Variants in UBE2U observed in about 807,000 individuals in gnomAD.
UBE2U encodes the protein ubiquitin-conjugating enzyme E2 U.
In UBE2U, 39 loss-of-function variants were observed where a neutral mutation model predicts 41.2. The observed-to-expected ratio is 0.95, with a 90% confidence interval of 0.73 to 1.24. UBE2U has a LOEUF of 1.24. UBE2U is among the 50% of genes most tolerant of loss of function. The pLI, the probability that UBE2U is intolerant of heterozygous loss-of-function variation, is 0.00. For missense variants in UBE2U, 336 were observed against 363.1 expected (o/e 0.93, Z 0.61); for synonymous variants, 107 against 117.8 (o/e 0.91, Z 0.60).
At chr1:64,230,057 T>C (rs928322090) in intron 6 of UBE2U, among the ~76,000 whole-genome samples, 1 of 152,222 alleles carries the variant, frequency 6.6e-6, no homozygotes, top group Admixed American at 6.5e-5. Flanking sequence ...AGAAGAATAT[T>C]TGACTGTAAT....
In UBE2U at chr1:64,223,502, G is replaced by A. The variant is rs2100340291; in HGVS notation, c.506+2595G>A. Among the ~76,000 whole-genome samples, 3 of 152,250 alleles carry A rather than the reference G, an allele frequency of 2.0e-5. No homozygotes were observed. In the South Asian group the frequency reaches 6.2e-4, roughly 32 times the overall value. ...TATTTAGCAGAAACTTTCCCCTGTG[G>A]TTTTTATTTTTTCTAGGCTTCCTTC... On this transcript the variant is annotated intron_variant, in intron 6 of 9. Coordinates refer to ENST00000371077, the MANE Select transcript of UBE2U (RefSeq NM_001366232.2).
intron 2 of UBE2U, 100 bp downstream of exon 2, chr1:64,205,820 C>G (rs1651260283): frequency 3.4e-6 from 3 of 875,740 alleles, no homozygotes; most frequent in Non-Finnish European, 5.0e-6. Context: ...ATATAAATTT[C>G]CTGAAATTCT....
chr1:64,217,534 C>A (rs1652111195), intron 5 of UBE2U, among the ~76,000 whole-genome samples: 1 of 151,970 alleles, frequency 6.6e-6, no homozygotes, highest in Non-Finnish European at 1.5e-5. Context: ...TAATATTTAT[C>A]TTCTGTTTGT....
chr1:64,259,356 G>A (rs775585630), intron 8 of UBE2U, among the ~76,000 whole-genome samples: 4 of 152,092 alleles, frequency 2.6e-5, no homozygotes, highest in Non-Finnish European at 4.4e-5. Context: ...TTTGGCTTTT[G>A]TTGCCGTTGC....
At chr1:64,225,438 G>A (rs1464729749) in intron 6 of UBE2U, among the ~76,000 whole-genome samples, 2 of 152,204 alleles carry the variant, frequency 1.3e-5, no homozygotes, top group African/African-American at 2.4e-5. Flanking sequence ...AAGGAATTTA[G>A]ATTAATTTTA....
chr1:64,204,449 T>A (rs943152380), intron 1 of UBE2U, among the ~76,000 whole-genome samples: 4 of 152,284 alleles, frequency 2.6e-5, no homozygotes, highest in Non-Finnish European at 2.9e-5. Context: ...TAAGTAGTAT[T>A]TCATTTTACT....
chr1:64,256,231 A>G (rs1645088434), intron 8 of UBE2U, among the ~76,000 whole-genome samples: 1 of 152,180 alleles, frequency 6.6e-6, no homozygotes, highest in Admixed American at 6.5e-5. Context: ...TTCCCATTAA[A>G]CTACCATTGA....
At chr1:64,252,812 A>G (rs1211644488) in intron 8 of UBE2U, among the ~76,000 whole-genome samples, 1 of 152,248 alleles carries the variant, frequency 6.6e-6, no homozygotes, top group Admixed American at 6.5e-5. Flanking sequence ...AGAAAAAGTC[A>G]ATACAAAAAT....
chr1:64,256,011 T>A (rs1175679202), intron 8 of UBE2U, among the ~76,000 whole-genome samples: 1 of 151,958 alleles, frequency 6.6e-6, no homozygotes, highest in African/African-American at 2.4e-5. Flanking sequence ...ATGAATGAAC[T>A]CCCATTCACA....
At chr1:64,229,982 T>C (rs545145527) in intron 6 of UBE2U, among the ~76,000 whole-genome samples, 57 of 152,318 alleles carry the variant, frequency 3.7e-4, no homozygotes, top group Non-Finnish European at 6.9e-4. Flanking sequence ...ATTAAACTCG[T>C]ATTTTACTTC....
chr1:64,219,802 G>A (rs1447465295), intron 5 of UBE2U, among the ~76,000 whole-genome samples: 2 of 152,058 alleles, frequency 1.3e-5, no homozygotes, highest in Non-Finnish European at 2.9e-5. Context: ...GTTTCACCAT[G>A]TTAACCAGGA....
intron 8 of UBE2U, among the ~76,000 whole-genome samples, chr1:64,253,514 A>G (rs898568033): frequency 1.3e-5 from 2 of 152,110 alleles, no homozygotes; most frequent in Non-Finnish European, 2.9e-5. Context: ...GAAGACAGAG[A>G]GAAAGGCCAA....
chr1:64,214,921 G>T lies in UBE2U; in HGVS notation c.446G>T (p.Arg149Met). The T allele has an allele frequency of 6.2e-7, 1 of 1,613,532 alleles. No individual in the cohort carries two copies. The highest frequency in any genetic ancestry group is 8.5e-7 in the Non-Finnish European group (1 of 1,179,536). ...AGAACAATTCTAAGACTTTTCAACA[G>T]GCCATTACAAAGTAAGAAGTATCTA... ...LYRTILRLFN[R>M]PLQMKDDSQE... Residue 149 changes from arginine to methionine, a missense_variant, in exon 5 of 10, where the codon AGG becomes ATG. Physicochemically the swap from Arg to Met is moderately conservative, Grantham distance 91 (BLOSUM62 -1). Transcript: ENST00000371077.
At chr1:64,239,074 GGAA>G (rs1399835129) in intron 7 of UBE2U, among the ~76,000 whole-genome samples, 4 of 62,720 alleles carry the variant, frequency 6.4e-5, no homozygotes, top group South Asian at 6.4e-4. Flanking sequence ...AAGAGGAAGA[GGAA>G]GAGGAAGAGG....
At chr1:64,224,171 G>A (rs1490706075) in intron 6 of UBE2U, among the ~76,000 whole-genome samples, 1 of 152,252 alleles carries the variant, frequency 6.6e-6, no homozygotes, top group East Asian at 1.9e-4. Flanking sequence ...ACAGAAGAGT[G>A]TAACTTTTGC....
chr1:64,221,808 C>G (rs1330977143), intron 6 of UBE2U, among the ~76,000 whole-genome samples: 1 of 152,030 alleles, frequency 6.6e-6, no homozygotes, highest in Admixed American at 6.5e-5. Context: ...AACTTATGGC[C>G]GAGAGCAGTG....
At chr1:64,208,190 A>G (rs540049176) in intron 3 of UBE2U, among the ~76,000 whole-genome samples, 1 of 152,320 alleles carries the variant, frequency 6.6e-6, no homozygotes, top group African/African-American at 2.4e-5. Flanking sequence ...CTTTTGAGGA[A>G]GTAGTGTGAC....
Position 64,214,658 on chromosome 1 carries a change from T to G in UBE2U, c.340-157T>G, listed in dbSNP as rs1025348065. ...AGCCTAAGGTTAGGTTTCTTGAGAG[T>G]ACAGACTATGTCTCATGTTATTTTT... On this transcript the variant is annotated intron_variant, in intron 4 of 9. Coordinates refer to ENST00000371077, the MANE Select transcript of UBE2U (RefSeq NM_001366232.2). Among the ~76,000 whole-genome samples the G allele has an allele frequency of 2.6e-5, 4 of 152,220 alleles. No homozygotes were observed. The South Asian group carries it at 8.3e-4, about 32-fold the overall frequency.
chr1:64,230,503 C>G (rs1644542461), intron 6 of UBE2U, among the ~76,000 whole-genome samples: 2 of 152,260 alleles, frequency 1.3e-5, no homozygotes, highest in South Asian at 4.2e-4. Flanking sequence ...ATTTCTTCCC[C>G]CAACATCCTC....
Sources: gnomAD v4.1 joint callset for allele counts (sites outside exome capture counted in the v4.1 genomes callset) on GRCh38, gnomAD v4.1.1 for gene constraint, MANE v1.5 for transcripts, NCBI Gene and HGNC (gene_info 2026-07-23, HGNC 2026-07-21) for gene names.